MBD5: variants seen among roughly 807,000 people sequenced by gnomAD.
MBD5 encodes methyl-CpG-binding domain protein 5.
MBD5 carries 13 observed loss-of-function variants against 117.3 expected under a neutral mutation model. The ratio of observed to expected loss-of-function variants is 0.11; its 90% confidence interval spans 0.07 to 0.18. The LOEUF (loss-of-function observed/expected upper bound fraction) is 0.18, where lower values mean the gene tolerates loss of function less well. Among genes scored for constraint, MBD5 ranks in the 10% least tolerant of loss-of-function variants. The probability of loss-of-function intolerance (pLI) is 1.00; values close to 1 mark genes in which losing one functional copy is unlikely to be tolerated. For missense variants in MBD5, 1,879 were observed against 2,093.8 expected, an observed-to-expected ratio of 0.90 and a Z score of 2.00; for synonymous variants, 727 against 766.4, an observed-to-expected ratio of 0.95 and a Z score of 0.85.
intron 1 of MBD5, among the ~76,000 whole-genome samples, chr2:148,037,402 C>CAT (rs1471486140): frequency 6.6e-6 from 1 of 151,934 alleles, no homozygotes. Flanking sequence ...TTTGAAAACT[C>CAT]ATATTATTTT....
At chr2:148,415,346 G>T (rs1283144923) in intron 4 of MBD5, among the ~76,000 whole-genome samples, 2 of 152,144 alleles carry the variant, frequency 1.3e-5, no homozygotes, top group Non-Finnish European at 2.9e-5. Flanking sequence ...CTGTTAGCCT[G>T]TTGGGGTTCC....
At chr2:148,205,634 A>T (rs965967473) in intron 2 of MBD5, among the ~76,000 whole-genome samples, 4 of 152,260 alleles carry the variant, frequency 2.6e-5, no homozygotes, top group African/African-American at 9.6e-5. Flanking sequence ...ACAAAGTTGC[A>T]TAAAATTATA....
At chr2:148,296,757 A>AT (rs1179128397) in intron 3 of MBD5, 159 of 147,892 alleles carry the variant, frequency 1.1e-3, no homozygotes, top group Middle Eastern at 3.6e-3. Flanking sequence ...CCATTGCCCA[A>AT]TTTTTTTTTT....
At chr2:148,380,945 G>A (rs1433020676) in intron 4 of MBD5, among the ~76,000 whole-genome samples, 3 of 152,006 alleles carry the variant, frequency 2.0e-5, no homozygotes, top group Non-Finnish European at 4.4e-5. Flanking sequence ...AACAGAAAGG[G>A]CATCCACACC....
chr2:148,075,234 T>A (rs910485762), intron 1 of MBD5, among the ~76,000 whole-genome samples: 1 of 152,198 alleles, frequency 6.6e-6, no homozygotes, highest in Non-Finnish European at 1.5e-5. Context: ...AGGGAGAAAC[T>A]GAGACTTAAA....
intron 1 of MBD5, among the ~76,000 whole-genome samples, chr2:148,176,304 G>GTTTT (rs34981118): frequency 2.0e-5 from 2 of 98,922 alleles, no homozygotes; most frequent in South Asian, 3.5e-4. Flanking sequence ...TTAGAGTTTT[G>GTTTT]TTTTTTTTTT....
intron 2 of MBD5, among the ~76,000 whole-genome samples, chr2:148,216,723 G>A (rs568732834): frequency 1.3e-5 from 2 of 152,312 alleles, no homozygotes; most frequent in East Asian, 3.9e-4. Flanking sequence ...GCTAAGTGCT[G>A]TAGCCTAGTG....
At chr2:148,437,329 T>G (rs1706183846) in intron 4 of MBD5, among the ~76,000 whole-genome samples, 1 of 152,104 alleles carries the variant, frequency 6.6e-6, no homozygotes, top group Non-Finnish European at 1.5e-5. Context: ...AAATCTTGGG[T>G]GCAATATTAC....
intron 3 of MBD5, among the ~76,000 whole-genome samples, chr2:148,278,534 T>A (rs1004766346): frequency 6.6e-6 from 1 of 152,204 alleles, no homozygotes; most frequent in African/African-American, 2.4e-5. Flanking sequence ...TTAAGTATAT[T>A]AAGGCCATCA....
At position 148,021,492 on chromosome 2, in the gene MBD5, G is replaced by GCTGCTA. The variant is rs1053396305; in HGVS notation, c.-1111_-1106dup. The GCTGCTA allele has an allele frequency of 6.9e-5, 40 of 576,210 alleles. No individual in the cohort carries two copies. Among genetic ancestry groups the GCTGCTA allele is most frequent in the Non-Finnish European group, 1.1e-4 (34 of 299,926 alleles). The allele number at this position is 576,210 out of a possible 1,614,324, so 35.7% of individuals were successfully genotyped here. On this transcript the variant is annotated 5_prime_UTR_variant, in exon 1 of 14. Transcript: ENST00000642680. ...TGCTGCTGCTGCTGTTGCTGCTGCT[G>GCTGCTA]CTGCTACTGCTGCTGCTGCTACTGC...
intron 1 of MBD5, among the ~76,000 whole-genome samples, chr2:148,117,300 A>C (rs2105381135): frequency 6.6e-6 from 1 of 151,186 alleles, no homozygotes; most frequent in Non-Finnish European, 1.5e-5. Flanking sequence ...GATCTCTTAT[A>C]GTTCTTTCTT....
chr2:148,463,680 G>T (rs1250538248), intron 6 of MBD5, 59 bp from the exon 7 acceptor site: 3 of 1,580,626 alleles, frequency 1.9e-6, no homozygotes, highest in Non-Finnish European at 2.6e-6. Flanking sequence ...TAAACAAAGG[G>T]ATCTTTTTAT....
intron 3 of MBD5, among the ~76,000 whole-genome samples, chr2:148,328,052 T>G (rs1395302224): frequency 6.6e-6 from 1 of 152,132 alleles, no homozygotes; most frequent in Admixed American, 6.5e-5. Context: ...TTAGTTTCCC[T>G]TCTAACAGAC....
intron 3 of MBD5, among the ~76,000 whole-genome samples, chr2:148,266,500 G>A (rs1700864158): frequency 6.6e-6 from 1 of 151,930 alleles, no homozygotes; most frequent in Non-Finnish European, 1.5e-5. Flanking sequence ...ATGCAAACTT[G>A]TCAACATTAT....
In MBD5 at chr2:148,458,804, C is replaced by T; in HGVS notation, c.46C>T (p.Leu16Phe). ...ECDGGDKEGG[L>F]PAIQVPVGWQ... is the part of the protein sequence containing the mutation. ...TGACGGAGGGGACAAGGAAGGAGGT[C>T]TTCCAGCTATACAAGTTCCTGTGGG... Residue 16 changes from leucine (L) to phenylalanine (F), a missense_variant, in exon 5 of 14, where the codon CTT (leucine) becomes TTT (phenylalanine). Around this residue, in one of 4 missense-constraint regions of MBD5, gnomAD observed 71 missense variants for 129.2 expected, o/e 0.55. Coordinates refer to ENST00000642680, the MANE Select transcript of MBD5 (RefSeq NM_001378120.1). 1 of 1,613,706 alleles carries T rather than the reference C, an allele frequency of 6.2e-7. No individual in the cohort carries two copies. Among genetic ancestry groups the T allele is most frequent in the Non-Finnish European group, 8.5e-7 (1 of 1,179,738 alleles).
intron 3 of MBD5, among the ~76,000 whole-genome samples, chr2:148,297,653 C>T (rs1701686228): frequency 6.6e-6 from 1 of 152,158 alleles, no homozygotes; most frequent in Non-Finnish European, 1.5e-5. Flanking sequence ...GAAGATTGTT[C>T]TTAACTGCCT....
intron 2 of MBD5, among the ~76,000 whole-genome samples, chr2:148,197,694 T>C (rs1199825762): frequency 6.6e-6 from 1 of 152,118 alleles, no homozygotes; most frequent in Non-Finnish European, 1.5e-5. Flanking sequence ...AGGTTACTTA[T>C]AACATTTTGC....
rs1274591860 is a variant in MBD5 at position 148,035,478 on chromosome 2, A to C, written c.-925+13794A>C. ...ATACTTCATTTTTGTGCTGTTCTGCACTTTGCCAACACAGTAAGACCCACA... is the reference window on the plus strand; with the variant it reads ...ATACTTCATTTTTGTGCTGTTCTGCCCTTTGCCAACACAGTAAGACCCACA... On this transcript the variant is annotated intron_variant, in intron 1 of 13. Coordinates refer to ENST00000642680, the MANE Select transcript of MBD5 (RefSeq NM_001378120.1). Among the ~76,000 whole-genome samples, 3 of 152,222 alleles carry C rather than the reference A, an allele frequency of 2.0e-5. No individual in the cohort carries two copies. In the East Asian group the frequency reaches 5.8e-4, roughly 29 times the overall value.
intron 4 of MBD5, among the ~76,000 whole-genome samples, chr2:148,381,487 G>A (rs1448291109): frequency 1.3e-5 from 2 of 152,226 alleles, no homozygotes; most frequent in Non-Finnish European, 2.9e-5. Flanking sequence ...TCTAATTGGT[G>A]TACCTGAAAG....
Sources: gnomAD v4.1 joint callset for allele counts (sites outside exome capture counted in the v4.1 genomes callset) on GRCh38, gnomAD v4.1.1 for gene constraint, gnomAD v4.1.1 regional missense constraint, MANE v1.5 for transcripts, NCBI Gene and HGNC (gene_info 2026-07-23, HGNC 2026-07-21) for gene names.